VPS13B: variants seen among roughly 807,000 people sequenced by gnomAD.
The protein encoded by VPS13B is vacuolar protein sorting 13 homolog B.
VPS13B carries 285 observed loss-of-function variants against 426.4 expected under a neutral mutation model. That is an observed-to-expected ratio of 0.67 (90% CI 0.61 to 0.74). The LOEUF (loss-of-function observed/expected upper bound fraction) is 0.74, where lower values mean the gene tolerates loss of function less well. Ranked by LOEUF, VPS13B falls within the 30% of genes least tolerant of loss-of-function variation. The probability of loss-of-function intolerance (pLI) is 0.00; values close to 1 mark genes in which losing one functional copy is unlikely to be tolerated. For synonymous variants in VPS13B, 1,676 were observed against 1,676.4 expected (o/e 1.00, Z 0.01); for missense variants, 4,537 against 4,782.6 (o/e 0.95, Z 1.51).
chr8:99,093,369 ATTT>A (rs940438852), intron 3 of VPS13B, among the ~76,000 whole-genome samples: 1 of 151,264 alleles, frequency 6.6e-6, no homozygotes, highest in African/African-American at 2.4e-5. Context: ...TTTTTTTTAA[ATTT>A]TTTTTATTTA....
At chr8:99,874,465 T>TTTGA (rs1254865029) in intron 61 of VPS13B, among the ~76,000 whole-genome samples, 10 of 152,192 alleles carry the variant, frequency 6.6e-5, no homozygotes, top group African/African-American at 2.4e-4. Context: ...TTTAAGACAC[T>TTTGA]TTGATAGCAT....
At chr8:99,691,267 G>A (rs1046269736) in intron 35 of VPS13B, among the ~76,000 whole-genome samples, 2 of 150,378 alleles carry the variant, frequency 1.3e-5, no homozygotes, top group African/African-American at 5.0e-5. Context: ...GTGTGTGTGT[G>A]TGTGTGTTGA....
chr8:99,507,212 C>T lies in VPS13B; in HGVS notation c.4224+9C>T, dbSNP rs763643064. On this transcript the variant is annotated intron_variant, in intron 28 of 61. Transcript: ENST00000357162. ...GCAAAGAAAAATCTGTGGTGAGACC[C>T]ATTTAGTTACTATGATTTTTGAAAA... 4 of 1,613,250 alleles carry T rather than the reference C, an allele frequency of 2.5e-6. No homozygotes were observed. In the South Asian group the frequency reaches 4.4e-5, roughly 18 times the overall value.
chr8:99,300,374 G>A (rs1328856451), intron 19 of VPS13B, among the ~76,000 whole-genome samples: 2 of 152,198 alleles, frequency 1.3e-5, no homozygotes, highest in East Asian at 1.9e-4. Context: ...AAAGCAAATA[G>A]TTAAAAGAAT....
intron 12 of VPS13B, among the ~76,000 whole-genome samples, chr8:99,142,085 C>T (rs905360096): frequency 6.6e-6 from 1 of 151,898 alleles, no homozygotes; most frequent in African/African-American, 2.4e-5. Flanking sequence ...ATCAATTAAT[C>T]TAATTCATTT....
At chr8:99,199,194 T>A (rs183554472) in intron 17 of VPS13B, among the ~76,000 whole-genome samples, 6 of 152,242 alleles carry the variant, frequency 3.9e-5, no homozygotes, top group African/African-American at 7.2e-5. Flanking sequence ...TTATATATAT[T>A]TTTTTGAGAT....
intron 5 of VPS13B, among the ~76,000 whole-genome samples, chr8:99,104,288 G>T (rs750299729): frequency 6.6e-6 from 1 of 152,110 alleles, no homozygotes; most frequent in Non-Finnish European, 1.5e-5. Flanking sequence ...TAATCTTATG[G>T]GACAGCCATC....
intron 35 of VPS13B, among the ~76,000 whole-genome samples, chr8:99,685,639 A>T (rs1831356854): frequency 6.6e-6 from 1 of 152,152 alleles, no homozygotes; most frequent in Non-Finnish European, 1.5e-5. Flanking sequence ...AGAGACTCTG[A>T]TGCATTCTTC....
intron 31 of VPS13B, among the ~76,000 whole-genome samples, chr8:99,557,583 C>T (rs528421035): frequency 3.0e-4 from 46 of 152,136 alleles, no homozygotes; most frequent in African/African-American, 1.1e-3. Flanking sequence ...TTTACAATTG[C>T]GAATTGTGCT....
chr8:99,443,196 A>T (rs972908928), intron 23 of VPS13B, among the ~76,000 whole-genome samples: 13 of 152,090 alleles, frequency 8.5e-5, no homozygotes, highest in Non-Finnish European at 1.8e-4. Context: ...TATTCATTTC[A>T]AACAAAATGT....
chr8:99,807,311 T>A (rs866492108), intron 43 of VPS13B, among the ~76,000 whole-genome samples: 5 of 152,218 alleles, frequency 3.3e-5, no homozygotes, highest in Middle Eastern at 3.2e-3. Context: ...TATGCAAATG[T>A]GAACATTCCT....
intron 31 of VPS13B, among the ~76,000 whole-genome samples, chr8:99,569,234 C>T (rs1437729120): frequency 6.6e-6 from 1 of 151,636 alleles, no homozygotes; most frequent in Non-Finnish European, 1.5e-5. Flanking sequence ...TGTGCACCAG[C>T]CTGGGCAGCA....
Position 99,154,411 on chromosome 8 carries a change from A to G in VPS13B, c.2014-2138A>G, listed in dbSNP as rs775681729. On this transcript the variant is annotated intron_variant, in intron 14 of 61. Coordinates refer to ENST00000357162, the MANE Select transcript of VPS13B (RefSeq NM_152564.5). ...TTCAGTTTTGGCAGTTTCTACTGAGATAACTTCAAGCTTAGAGATTCTTTT... is the reference window on the plus strand; with the variant it reads ...TTCAGTTTTGGCAGTTTCTACTGAGGTAACTTCAAGCTTAGAGATTCTTTT... Among the ~76,000 whole-genome samples, 9 of 152,152 alleles carry G rather than the reference A, an allele frequency of 5.9e-5. No homozygotes were observed. The East Asian group carries it at 9.6e-4, about 16-fold the overall frequency.
chr8:99,115,712 G>C lies in VPS13B; in HGVS notation c.775G>C (p.Val259Leu). The C allele has an allele frequency of 1.2e-6, 2 of 1,612,658 alleles. No individual in the cohort carries two copies. Among genetic ancestry groups the C allele is most frequent in the South Asian group, 2.2e-5 (2 of 90,814 alleles). The change falls in exon 7 of 62, where the codon GTG (valine) becomes CTG (leucine). Residue 259 changes from valine (V) to leucine (L), a missense_variant. By Grantham distance (32) the Val-to-Leu change is conservative (BLOSUM62 1). Transcript: ENST00000357162. Reference protein sequence around the residue: ...MPSVIKIHTLVESLKLSITDQ... With the variant: ...MPSVIKIHTLLESLKLSITDQ... ...TTTCAAAATGCAGATTCATACTTTA[G>C]TGGAAAGTTTGAAACTTTCTATCAC...
chr8:99,755,786 T>C (rs1810610932), intron 39 of VPS13B, among the ~76,000 whole-genome samples: 1 of 151,906 alleles, frequency 6.6e-6, no homozygotes, highest in Admixed American at 6.6e-5. Context: ...AATAAATAAA[T>C]AAATAAACAA....
At chr8:99,858,555 T>C (rs1468600924) in intron 56 of VPS13B, among the ~76,000 whole-genome samples, 9 of 152,096 alleles carry the variant, frequency 5.9e-5, no homozygotes, top group Non-Finnish European at 1.3e-4. Context: ...CGTGGTGGCA[T>C]GTGCCTGTAA....
chr8:99,616,813 A>C (rs751437227), intron 33 of VPS13B, among the ~76,000 whole-genome samples: 12 of 152,244 alleles, frequency 7.9e-5, no homozygotes, highest in Non-Finnish European at 1.3e-4. Context: ...TAAATACACC[A>C]GATATAAATC....
chr8:99,546,531 A>G (rs72674645), intron 30 of VPS13B, among the ~76,000 whole-genome samples: 10 of 152,134 alleles, frequency 6.6e-5, no homozygotes, highest in Non-Finnish European at 1.3e-4. Context: ...TACCTAAATC[A>G]TCAGCATCTG....
chr8:99,365,928 C>A (rs990320975), intron 19 of VPS13B, among the ~76,000 whole-genome samples: 1 of 150,838 alleles, frequency 6.6e-6, no homozygotes, highest in Non-Finnish European at 1.5e-5. Flanking sequence ...TTTATTCCAC[C>A]ATGGTCAGAG....
Sources: allele counts gnomAD v4.1 joint callset (sites outside exome capture counted in the v4.1 genomes callset), GRCh38; gene constraint gnomAD v4.1.1; transcripts MANE v1.5; gene names NCBI Gene and HGNC (gene_info 2026-07-23, HGNC 2026-07-21).